PRR15: variants seen among roughly 807,000 people sequenced by gnomAD.
PRR15 encodes proline rich 15, also known as proline-rich protein 15.
PRR15 carries 4 observed loss-of-function variants against 3.0 expected under a neutral mutation model. That is an observed-to-expected ratio of 1.34 (90% CI 0.66 to 3.08). The LOEUF (loss-of-function observed/expected upper bound fraction) is 3.08, where lower values mean the gene tolerates loss of function less well. PRR15 is among the 30% of genes most tolerant of loss of function. The probability of loss-of-function intolerance (pLI) is 0.01; values close to 1 mark genes in which losing one functional copy is unlikely to be tolerated. For synonymous variants in PRR15, 82 were observed against 79.8 expected (o/e 1.03, Z -0.14); for missense variants, 200 against 179.5 (o/e 1.11, Z -0.65).
At chr7:29,564,952 C>G (rs1375658923) in intron 1 of PRR15, among the ~76,000 whole-genome samples, 1 of 152,234 alleles carries the variant, frequency 6.6e-6, no homozygotes, top group African/African-American at 2.4e-5. Context: ...GGAGGAGAAC[C>G]TCCTACAACA....
intron 1 of PRR15, chr7:29,565,564 A>AT (rs1792880643): frequency 6.6e-6 from 1 of 152,162 alleles, no homozygotes; most frequent in Admixed American, 6.5e-5. Context: ...ACCAAAACAA[A>AT]TATCATAAGC....
intron 1 of PRR15, among the ~76,000 whole-genome samples, chr7:29,565,021 T>A (rs989001503): frequency 2.0e-5 from 3 of 152,278 alleles, no homozygotes; most frequent in South Asian, 2.1e-4. Context: ...GCCCGGCGCG[T>A]GGGCTGGGAA....
Position 29,566,281 on chromosome 7 carries a change from C to T in PRR15, c.-49C>T, listed in dbSNP as rs768917901. ...CCGGAGACCACGTGGAGAAAGGGGC[C>T]GCTTTGGCCCTTCCATCTGGGTGCC... On this transcript the variant is annotated 5_prime_UTR_variant, in exon 2 of 2. Transcript: ENST00000319694. 2 of 1,534,510 alleles carry T rather than the reference C, an allele frequency of 1.3e-6. No homozygotes were observed. The highest frequency in any genetic ancestry group is 2.3e-5 in the East Asian group (1 of 42,908).
rs1296210275 is a variant in PRR15 at position 29,566,293 on chromosome 7, TC to T, written c.-35del. ...TGGAGAAAGGGGCCGCTTTGGCCCT[TC>T]CATCTGGGTGCCGGGAGCCCCTAGG... On this transcript the variant is annotated 5_prime_UTR_variant, in exon 2 of 2. Coordinates refer to ENST00000319694, the MANE Select transcript of PRR15 (RefSeq NM_175887.3). 1 of 1,572,468 alleles carries T rather than the reference TC, an allele frequency of 6.4e-7. No homozygotes were observed. Among genetic ancestry groups the T allele is most frequent in the Admixed American group, 1.8e-5 (1 of 55,028 alleles).
At chr7:29,565,565 TATC>T (rs752772811) in intron 1 of PRR15, 2 of 152,136 alleles carry the variant, frequency 1.3e-5, no homozygotes, top group African/African-American at 4.8e-5. Context: ...CCAAAACAAA[TATC>T]ATAAGCTTGT....
At chr7:29,566,067 G>C (rs894640851) in intron 1 of PRR15, 118 bp from the exon 2 acceptor site, 40 of 554,438 alleles carry the variant, frequency 7.2e-5, no homozygotes, top group Middle Eastern at 9.4e-4. Context: ...GTAGCTACGG[G>C]ATTGGGTCGC....
In PRR15 at chr7:29,566,826, C is replaced by T; in HGVS notation, c.*107C>T. The T allele has an allele frequency of 1.8e-6, 2 of 1,115,306 alleles. No individual in the cohort carries two copies. The highest frequency in any genetic ancestry group is 3.5e-5 in the South Asian group (2 of 56,490). The allele number at this position is 1,115,306 out of a possible 1,614,324, so 69.1% of individuals were successfully genotyped here. A position where few individuals can be genotyped will look rare whatever the true frequency, so the allele number is the denominator to read the frequency against. The stretch of plus-strand genomic sequence containing the variant: ...CCCCCTTACGCGTTGTCTCATTCCA[C>T]CAAATTCAGAATATTTACACAATGC... On this transcript the variant is annotated 3_prime_UTR_variant, in exon 2 of 2. Transcript: ENST00000319694.
At position 29,564,052 on chromosome 7, in the gene PRR15, C is replaced by G. The variant is rs1792826905; in HGVS notation, c.-471C>G. 1 of 152,526 alleles carries G rather than the reference C, an allele frequency of 6.6e-6. No individual in the cohort carries two copies. Among genetic ancestry groups the G allele is most frequent in the South Asian group, 2.1e-4 (1 of 4,836 alleles). The allele number at this position is 152,526 out of a possible 1,614,324, so 9.4% of individuals were successfully genotyped here. On this transcript the variant is annotated 5_prime_UTR_variant, in exon 1 of 2. Transcript: ENST00000319694. ...GCCGGCGAATGAAACACTACTAGCC[C>G]GGAAAGCCGCCCTGGACCTTCCACC...
chr7:29,566,035 G>T lies in PRR15; in HGVS notation c.-145-150G>T, dbSNP rs904541899. 176 of 497,738 alleles carry T rather than the reference G, an allele frequency of 3.5e-4. 1 individual carries two copies. The highest frequency in any genetic ancestry group is 1.1e-4 in the Non-Finnish European group (30 of 283,788). The allele number at this position is 497,738 out of a possible 1,614,324, so 30.8% of individuals were successfully genotyped here. On this transcript the variant is annotated intron_variant, in intron 1 of 1. Transcript: ENST00000319694. ...CCAGCACCCTATGGGGCGCAGTGGCGTCTAATGCTAATGTGGGCTACGTAG... is the reference window on the plus strand; with the variant it reads ...CCAGCACCCTATGGGGCGCAGTGGCTTCTAATGCTAATGTGGGCTACGTAG...
intron 1 of PRR15, among the ~76,000 whole-genome samples, chr7:29,565,190 G>A (rs1481285144): frequency 6.6e-6 from 1 of 152,238 alleles, no homozygotes; most frequent in Non-Finnish European, 1.5e-5. Flanking sequence ...CTGCAGAGGG[G>A]GGGTCTTAGA....
rs2128029765 is a variant in PRR15, at chr7:29,566,240, G to A, written c.-90G>A. On this transcript the variant is annotated 5_prime_UTR_variant, in exon 2 of 2. Transcript: ENST00000319694. ...AGCCCACGTGTGGCAAGCCGGGGAAGGGGTGGAGTGAACGGCCGGAGACCA... is the reference window on the plus strand; with the variant it reads ...AGCCCACGTGTGGCAAGCCGGGGAAAGGGTGGAGTGAACGGCCGGAGACCA... The A allele has an allele frequency of 5.0e-6, 7 of 1,393,094 alleles. No homozygotes were observed. Among genetic ancestry groups the A allele is most frequent in the African/African-American group, 1.4e-5 (1 of 69,384 alleles). The allele number at this position is 1,393,094 out of a possible 1,614,324, so 86.3% of individuals were successfully genotyped here.
rs771712613 is a variant in PRR15, at chr7:29,566,588, C to G, written c.259C>G (p.Arg87Gly). 2 of 1,608,968 alleles carry G rather than the reference C, an allele frequency of 1.2e-6. No individual in the cohort carries two copies. The highest frequency in any genetic ancestry group is 1.7e-6 in the Non-Finnish European group (2 of 1,178,068). Residue 87 changes from arginine (R) to glycine (G), a missense_variant, in exon 2 of 2, where the codon CGC (arginine) becomes GGC (glycine). By Grantham distance (125) the Arg-to-Gly change is moderately radical. Transcript: ENST00000319694. ...CGGGGACAAATCCGGCAGCAGCCGC[C>G]GCAATTTGAAGATCTCGCGCTCCGG... ...LYGDKSGSSR[R>G]NLKISRSGRF...
chr7:29,565,897 G>T, intron 1 of PRR15: 1 of 177,282 alleles, frequency 5.6e-6, no homozygotes. Context: ...TGGGTCCCCC[G>T]GGCACGCTGA....
Position 29,566,932 on chromosome 7 carries a change from T to G in PRR15, c.*213T>G. 2.0e-6 allele frequency: 1 copy of G among 488,352 alleles called. No individual in the cohort carries two copies. The highest frequency in any genetic ancestry group is 2.0e-5 in the African/African-American group (1 of 49,798). 30.3% of individuals were successfully genotyped at this position (488,352 alleles called of 1,614,324 possible). Reference sequence around the variant, plus strand: ...ATGACTCCAAGGATGCATTAAATATTTATTTGTGGTAAGAGAAGATACCTG... The same window carrying G: ...ATGACTCCAAGGATGCATTAAATATGTATTTGTGGTAAGAGAAGATACCTG... On this transcript the variant is annotated 3_prime_UTR_variant, in exon 2 of 2. Transcript: ENST00000319694.
chr7:29,566,758 A>G lies in PRR15; in HGVS notation c.*39A>G, dbSNP rs1215220197. On this transcript the variant is annotated 3_prime_UTR_variant, in exon 2 of 2. Coordinates refer to ENST00000319694, the MANE Select transcript of PRR15 (RefSeq NM_175887.3). ...CGCGCTCCAGGACTGCCTACCCAGC[A>G]CTACCCCAAACCCCCAGTTCCAAAC... The G allele has an allele frequency of 2.7e-6, 4 of 1,493,112 alleles. No homozygotes were observed. The East Asian group carries it at 9.9e-5, about 37-fold the overall frequency. The allele number at this position is 1,493,112 out of a possible 1,614,324, so 92.5% of individuals were successfully genotyped here. A position where few individuals can be genotyped will look rare whatever the true frequency, so the allele number is the denominator to read the frequency against.
chr7:29,566,626 G>A lies in PRR15; in HGVS notation c.297G>A (p.Glu99=), dbSNP rs770360858. 3.1e-5 allele frequency: 49 copies of A among 1,599,700 alleles called. No individual in the cohort carries two copies. The highest frequency in any genetic ancestry group is 3.3e-4 in the Middle Eastern group (2 of 6,062). The part of the protein sequence containing the change: ...LKISRSGRFK[E]KRKVRATLLP... ...TCTCGCGCTCCGGCCGCTTTAAGGA[G>A]AAGAGGAAAGTGCGCGCCACGCTGC... is the stretch of plus-strand genomic sequence containing the variant. The change falls in exon 2 of 2, where the codon GAG becomes GAA. Residue 99 remains glutamate, a synonymous_variant. Coordinates refer to ENST00000319694, the MANE Select transcript of PRR15 (RefSeq NM_175887.3).
In PRR15 at chr7:29,566,717, T is replaced by C. The variant is rs746232785; in HGVS notation, c.388T>C (p.Ter130GlnextTer3). 33 of 1,549,088 alleles carry C rather than the reference T, an allele frequency of 2.1e-5. 1 individual carries two copies. Among genetic ancestry groups the C allele is most frequent in the East Asian group, 1.7e-4 (7 of 41,312 alleles). ...FPGDPHEDKQ[*>Q] is the part of the protein sequence containing the mutation. ...TGGTGACCCCCACGAGGACAAGCAG[T>C]AGCCCCAATAGCCTGCGCGCTCCAG... The change falls in exon 2 of 2, where the codon TAG becomes CAG. Residue 130 changes from the stop codon to glutamine (Q), a stop_lost. Coordinates refer to ENST00000319694, the MANE Select transcript of PRR15 (RefSeq NM_175887.3).
chr7:29,566,387 A>G lies in PRR15; in HGVS notation c.58A>G (p.Ser20Gly). Residue 20 changes from serine to glycine, a missense_variant, in exon 2 of 2, where the codon AGC (serine) becomes GGC (glycine). Transcript: ENST00000319694. The stretch of plus-strand genomic sequence containing the variant: ...CCCCTGGTGGAAATCGCTCACCAAC[A>G]GCAGAAAGAAAAGCAAGGAAGCCGC... Reference protein sequence around the residue: ...SGPWWKSLTNSRKKSKEAAVG... With the variant: ...SGPWWKSLTNGRKKSKEAAVG... 1 of 1,611,168 alleles carries G rather than the reference A, an allele frequency of 6.2e-7. No individual in the cohort carries two copies. Among genetic ancestry groups the G allele is most frequent in the Non-Finnish European group, 8.5e-7 (1 of 1,179,646 alleles).
At chr7:29,565,158 T>C (rs577495099) in intron 1 of PRR15, among the ~76,000 whole-genome samples, 81 of 152,338 alleles carry the variant, frequency 5.3e-4, no homozygotes, top group Middle Eastern at 3.4e-3. Context: ...CGCACCTAAG[T>C]GCTCAGAAGC....
Sources: gnomAD v4.1 joint callset for allele counts (sites outside exome capture counted in the v4.1 genomes callset) on GRCh38, gnomAD v4.1.1 for gene constraint, MANE v1.5 for transcripts, NCBI Gene and HGNC (gene_info 2026-07-23, HGNC 2026-07-21) for gene names.